The following TRPM6 variants were observed in gnomAD, a reference collection of about 807,000 sequenced individuals.
TRPM6 encodes transient receptor potential cation channel subfamily M member 6.
Under a neutral mutation model 247.6 loss-of-function variants are expected in TRPM6, and 111 were observed. The ratio of observed to expected loss-of-function variants is 0.45; its 90% CI spans 0.38 to 0.52. The LOEUF (loss-of-function observed/expected upper bound fraction) is 0.52. TRPM6 is among the 20% of genes least tolerant of loss of function. The pLI, the probability that TRPM6 is intolerant of heterozygous loss-of-function variation, is 0.00. For missense variants in TRPM6, 2,126 were observed against 2,421.5 expected (o/e 0.88, Z 2.56); for synonymous variants, 892 against 853.8 (o/e 1.04, Z -0.78).
chr9:74,736,828 T>A (rs141275293), intron 36 of TRPM6, among the ~76,000 whole-genome samples: 54 of 152,370 alleles, frequency 3.5e-4, no homozygotes, highest in African/African-American at 1.2e-3. Flanking sequence ...TTCTGTTTAA[T>A]GTTACTTTGG....
At chr9:74,766,800 C>T (rs1307547565) in intron 25 of TRPM6, among the ~76,000 whole-genome samples, 2 of 151,854 alleles carry the variant, frequency 1.3e-5, no homozygotes, top group Non-Finnish European at 2.9e-5. Context: ...ATCCCAGCTA[C>T]TGGGGAGGGT....
intron 25 of TRPM6, among the ~76,000 whole-genome samples, chr9:74,765,613 T>G (rs966882459): frequency 6.6e-6 from 1 of 152,210 alleles, no homozygotes; most frequent in African/African-American, 2.4e-5. Flanking sequence ...ATGGCTGACG[T>G]GACCATTGCA....
chr9:74,775,793 C>A, intron 24 of TRPM6, 90 bp downstream of exon 24: 4 of 1,342,574 alleles, frequency 3.0e-6, no homozygotes, highest in Non-Finnish European at 3.2e-6. Flanking sequence ...CCCCACAGTG[C>A]CCTGAACTTA....
At chr9:74,759,937 A>T (rs1434402154) in intron 27 of TRPM6, among the ~76,000 whole-genome samples, 1 of 152,192 alleles carries the variant, frequency 6.6e-6, no homozygotes, top group Non-Finnish European at 1.5e-5. Context: ...CCAATTTTTT[A>T]AATGGGCAAA....
chr9:74,829,145 T>C (rs1226558955), intron 6 of TRPM6, among the ~76,000 whole-genome samples: 1 of 151,920 alleles, frequency 6.6e-6, no homozygotes, highest in South Asian at 2.1e-4. Flanking sequence ...ATACAAAAAT[T>C]AGCCAGGCAT....
At chr9:74,782,576 A>G in intron 22 of TRPM6, 100 bp from the exon 23 acceptor site, 3 of 1,503,536 alleles carry the variant, frequency 2.0e-6, no homozygotes, top group South Asian at 2.3e-5. Flanking sequence ...AATACCATAA[A>G]TTCAAACATT....
intron 7 of TRPM6, among the ~76,000 whole-genome samples, chr9:74,824,508 T>A (rs969089909): frequency 2.7e-4 from 24 of 87,898 alleles, no homozygotes; most frequent in Non-Finnish European, 5.2e-4. Flanking sequence ...TATGGCTTTT[T>A]CTGAAAAAAA....
intron 20 of TRPM6, 123 bp downstream of exon 20, chr9:74,788,491 G>T (rs1827774106): frequency 8.8e-7 from 1 of 1,141,146 alleles, no homozygotes. Context: ...CAAGGTCAGT[G>T]TGTCCTGTCT....
At chr9:74,861,960 A>G (rs1564055757) in intron 1 of TRPM6, among the ~76,000 whole-genome samples, 1 of 152,146 alleles carries the variant, frequency 6.6e-6, no homozygotes, top group Non-Finnish European at 1.5e-5. Flanking sequence ...ATGAGCAACA[A>G]ACATGCTGAA....
rs551520918 is a variant in TRPM6, at chr9:74,878,187, G to C, written c.33+9637C>G. ...CAGCATGGATCACTTGGGAACCAGA[G>C]GATTGTCTCACCACTGCTACTGTCA... On this transcript the variant is annotated intron_variant, in intron 1 of 38. Transcript: ENST00000360774. 4.2e-4 allele frequency among the ~76,000 whole-genome samples: 64 copies of C among 152,226 alleles called. 1 individual carries two copies. The highest frequency in any genetic ancestry group is 3.4e-3 in the Middle Eastern group (1 of 294).
chr9:74,872,600 T>TGTGTG (rs145837742), intron 1 of TRPM6, among the ~76,000 whole-genome samples: 1 of 150,090 alleles, frequency 6.7e-6, no homozygotes, highest in Admixed American at 6.6e-5. Flanking sequence ...CCAGCAAATT[T>TGTGTG]TGTGTGTGTG....
chr9:74,868,144 C>G (rs1049047378), intron 1 of TRPM6, among the ~76,000 whole-genome samples: 1 of 139,860 alleles, frequency 7.2e-6, no homozygotes, highest in Non-Finnish European at 1.5e-5. Flanking sequence ...AGCGAGACTC[C>G]GCAAAAAAAA....
chr9:74,792,036 C>T (rs926882934), intron 19 of TRPM6, among the ~76,000 whole-genome samples: 2 of 152,190 alleles, frequency 1.3e-5, no homozygotes, highest in Non-Finnish European at 2.9e-5. Flanking sequence ...GAATTACAGG[C>T]GTGAGCCACC....
intron 33 of TRPM6, among the ~76,000 whole-genome samples, chr9:74,741,767 G>A (rs1337839194): frequency 6.6e-6 from 1 of 152,032 alleles, no homozygotes; most frequent in Non-Finnish European, 1.5e-5. Context: ...GTGCACGCCT[G>A]TAATCCCAGC....
At chr9:74,758,543 C>T (rs1248853634) in intron 27 of TRPM6, among the ~76,000 whole-genome samples, 2 of 152,032 alleles carry the variant, frequency 1.3e-5, no homozygotes, top group Non-Finnish European at 2.9e-5. Context: ...TATCTGATCA[C>T]CTAAGTAGAT....
chr9:74,802,269 TA>T (rs1828369416), intron 15 of TRPM6, 94 bp from the exon 16 acceptor site: 1 of 1,100,220 alleles, frequency 9.1e-7, no homozygotes, highest in Non-Finnish European at 1.3e-6. Flanking sequence ...AGATTTTTTT[TA>T]ATCACTACTA....
intron 28 of TRPM6, among the ~76,000 whole-genome samples, chr9:74,753,839 A>G (rs559910656): frequency 6.6e-6 from 1 of 152,248 alleles, no homozygotes; most frequent in South Asian, 2.1e-4. Flanking sequence ...ATGTGGTTCA[A>G]GAAAGACAGT....
At chr9:74,839,785 ACAGAG>A (rs1829854074) in intron 5 of TRPM6, among the ~76,000 whole-genome samples, 2 of 151,586 alleles carry the variant, frequency 1.3e-5, no homozygotes, top group South Asian at 4.2e-4. Context: ...TAGGAGTGCT[ACAGAG>A]CAGAGATTAT....
chr9:74,840,511 T>A (rs1247235849), intron 4 of TRPM6, among the ~76,000 whole-genome samples: 1 of 152,104 alleles, frequency 6.6e-6, no homozygotes. Flanking sequence ...GAACCTGGGG[T>A]GAGGCAGAAA....
Sources: gnomAD v4.1 joint callset for allele counts (sites outside exome capture counted in the v4.1 genomes callset) on GRCh38, gnomAD v4.1.1 for gene constraint, MANE v1.5 for transcripts, NCBI Gene and HGNC (gene_info 2026-07-23, HGNC 2026-07-21) for gene names.